Variants in NSRP1 observed in about 807,000 individuals in gnomAD.
NSRP1 encodes nuclear speckle splicing regulatory protein 1, also known as coiled-coil domain containing 55.
A neutral mutation model predicts 54.7 loss-of-function variants in NSRP1; 24 were observed. The ratio of observed to expected loss-of-function variants is 0.44; its 90% confidence interval spans 0.32 to 0.62. The LOEUF is 0.62. Ranked by LOEUF, NSRP1 falls within the 20% of genes least tolerant of loss-of-function variation. The pLI is 0.06. For missense variants in NSRP1, 596 were observed against 651.2 expected (o/e 0.92, Z 0.92); for synonymous variants, 210 against 213.8 (o/e 0.98, Z 0.15).
In NSRP1 at chr17:30,184,835, T is replaced by G. The variant is rs367942780; in HGVS notation, c.838T>G (p.Phe280Val). 1 of 1,614,024 alleles carries G rather than the reference T, an allele frequency of 6.2e-7. No individual in the cohort carries two copies. Among genetic ancestry groups the G allele is most frequent in the Non-Finnish European group, 8.5e-7 (1 of 1,180,002 alleles). Residue 280 changes from phenylalanine to valine, a missense_variant, in exon 7 of 7, where the codon TTC (phenylalanine) becomes GTC (valine). By Grantham distance (50) the Phe-to-Val change is conservative. Transcript: ENST00000247026. ...EKVIETPENDFKHHRSQNHSR... is the reference protein window; with the variant it reads ...EKVIETPENDVKHHRSQNHSR... ...GGTCATAGAGACCCCTGAGAATGAC[T>G]TCAAGCACCACAGGAGTCAAAACCA...
At chr17:30,117,208 G>A (rs193157420) in intron 1 of NSRP1, 5 of 645,086 alleles carry the variant, frequency 7.8e-6, no homozygotes, top group African/African-American at 5.5e-5. Context: ...CTCAGGGGCA[G>A]TGTGAAGAGA....
rs998895672 is a variant in NSRP1 at position 30,145,308 on chromosome 17, C to T, written c.114+27135C>T. ...TATAAATTATTGCACTAAGGCCGGGCGCAGTGGCTCACACCTCTCTAATCC... is the reference window on the plus strand; with the variant it reads ...TATAAATTATTGCACTAAGGCCGGGTGCAGTGGCTCACACCTCTCTAATCC... On this transcript the variant is annotated intron_variant, in intron 2 of 6. Transcript: ENST00000247026. Among the ~76,000 whole-genome samples, 9 of 116,898 alleles carry T rather than the reference C, an allele frequency of 7.7e-5. No individual in the cohort carries two copies. In the South Asian group the frequency reaches 1.1e-3, roughly 15 times the overall value. 76.7% of individuals were successfully genotyped at this position (116,898 alleles called of 152,430 possible).
chr17:30,177,799 G>A, intron 3 of NSRP1: 2 of 444,102 alleles, frequency 4.5e-6, no homozygotes, highest in East Asian at 4.9e-5. Context: ...AGCTTAGAAT[G>A]TAAATATAGT....
At chr17:30,117,612 T>TG (rs986485056) in intron 1 of NSRP1, 34 of 353,626 alleles carry the variant, frequency 9.6e-5, no homozygotes, top group African/African-American at 7.1e-4. Flanking sequence ...TTTTCGTGAG[T>TG]TACACTATCC....
At chr17:30,160,792 A>G (rs1904485886) in intron 2 of NSRP1, among the ~76,000 whole-genome samples, 1 of 152,206 alleles carries the variant, frequency 6.6e-6, no homozygotes, top group South Asian at 2.1e-4. Flanking sequence ...TAGTAAGTAG[A>G]AGGCTGCATA....
chr17:30,171,091 C>A (rs1296995554), intron 2 of NSRP1, among the ~76,000 whole-genome samples: 1 of 151,800 alleles, frequency 6.6e-6, no homozygotes, highest in African/African-American at 2.4e-5. Flanking sequence ...TGTATGTAAT[C>A]TTTAGTTTTG....
In NSRP1 at chr17:30,185,634, G is replaced by A. The variant is rs559964855; in HGVS notation, c.1637G>A (p.Arg546Gln). ...AGGTACTTGGCCAGGCAGATGGCGC[G>A]GGTTAATGCAAAGACCTATATTGAG... ...RDRYLARQMA[R>Q]VNAKTYIEKE... The change falls in exon 7 of 7, where the codon CGG becomes CAG. Residue 546 changes from arginine (R) to glutamine (Q), a missense_variant. Coordinates refer to ENST00000247026, the MANE Select transcript of NSRP1 (RefSeq NM_032141.4). The A allele has an allele frequency of 7.5e-6, 12 of 1,609,646 alleles. No individual in the cohort carries two copies. Among genetic ancestry groups the A allele is most frequent in the Non-Finnish European group, 9.3e-6 (11 of 1,178,812 alleles).
rs2071560505 is a variant in NSRP1, at chr17:30,118,184, CTA to C, written c.114+13_114+14del. 1 of 1,597,692 alleles carries C rather than the reference CTA, an allele frequency of 6.3e-7. No homozygotes were observed. The highest frequency in any genetic ancestry group is 8.6e-7 in the Non-Finnish European group (1 of 1,166,512). On this transcript the variant is annotated intron_variant, in intron 2 of 6. Transcript: ENST00000247026. ...GATGATGATGATGAGGTAAGGAAAC[CTA>C]TGTTTTACTCGTGCATGGTTGGAAA...
rs746189146 is a variant in NSRP1, at chr17:30,185,192, A to G, written c.1195A>G (p.Asn399Asp). The stretch of plus-strand genomic sequence containing the variant: ...AGAACAAGAAAGAGATAGACAACAA[A>G]ATGATCAGAACCGACCCAGTGAGAA... Reference protein sequence around the residue: ...QREQERDRQQNDQNRPSEKGE... With the variant: ...QREQERDRQQDDQNRPSEKGE... Residue 399 changes from asparagine to aspartate, a missense_variant, in exon 7 of 7, where the codon AAT (asparagine) becomes GAT (aspartate). By Grantham distance (23) the Asn-to-Asp change is conservative (BLOSUM62 1). Transcript: ENST00000247026. 66 of 1,572,562 alleles carry G rather than the reference A, an allele frequency of 4.2e-5. No homozygotes were observed. The highest frequency in any genetic ancestry group is 5.5e-5 in the Non-Finnish European group (64 of 1,158,620).
At chr17:30,174,838 A>T (rs1193937128) in intron 3 of NSRP1, among the ~76,000 whole-genome samples, 1 of 152,250 alleles carries the variant, frequency 6.6e-6, no homozygotes, top group Non-Finnish European at 1.5e-5. Flanking sequence ...ATAAAATGTT[A>T]TCATTTTCAT....
chr17:30,184,674 G>GA lies in NSRP1; in HGVS notation c.679dup (p.Ile227AsnfsTer11). 1 of 1,606,798 alleles carries GA rather than the reference G, an allele frequency of 6.2e-7. No individual in the cohort carries two copies. ...TCCAATGAAGTAAGTTCAAAAAACAGAATACCACAAGAGAAATGCATTCTT... is the reference window on the plus strand; with the variant it reads ...TCCAATGAAGTAAGTTCAAAAAACAGAAATACCACAAGAGAAATGCATTCTT... On this transcript the variant is annotated frameshift_variant, in exon 7 of 7. Transcript: ENST00000247026. LOFTEE classifies it high-confidence loss of function.
At chr17:30,129,954 A>G (rs567691499) in intron 2 of NSRP1, among the ~76,000 whole-genome samples, 1 of 152,356 alleles carries the variant, frequency 6.6e-6, no homozygotes, top group South Asian at 2.1e-4. Context: ...TAATTTTGCA[A>G]TTTGCTAAAA....
In NSRP1 at chr17:30,179,240, A is replaced by C. The variant is rs1357870337; in HGVS notation, c.451A>C (p.Lys151Gln). The change falls in exon 5 of 7, where the codon AAA becomes CAA. Residue 151 changes from lysine (K) to glutamine (Q), a missense_variant. Physicochemically the swap from Lys to Gln is moderately conservative, Grantham distance 53. Coordinates refer to ENST00000247026, the MANE Select transcript of NSRP1 (RefSeq NM_032141.4). The stretch of plus-strand genomic sequence containing the variant: ...ATTTGTGACATCTGCATATAAGAAA[A>C]AACTGCAAGAGAGAGCTGAAGAAGA... ...EAFVTSAYKK[K>Q]LQERAEEEER... The C allele has an allele frequency of 1.2e-6, 2 of 1,607,912 alleles. No homozygotes were observed. Among genetic ancestry groups the C allele is most frequent in the Non-Finnish European group, 8.5e-7 (1 of 1,176,650 alleles).
chr17:30,121,156 A>G lies in NSRP1; in HGVS notation c.114+2983A>G, dbSNP rs960650282. ...TTGGGCCAGATTGTGGAGTACCTTA[A>G]ATTTTTCGTATAAAATTTCAACTTT... On this transcript the variant is annotated intron_variant, in intron 2 of 6. Transcript: ENST00000247026. Among the ~76,000 whole-genome samples, 3 of 152,274 alleles carry G rather than the reference A, an allele frequency of 2.0e-5. No individual in the cohort carries two copies. In the East Asian group the frequency reaches 5.8e-4, roughly 29 times the overall value.
intron 2 of NSRP1, among the ~76,000 whole-genome samples, chr17:30,130,954 C>A (rs185957444): frequency 6.6e-6 from 1 of 152,286 alleles, no homozygotes; most frequent in East Asian, 1.9e-4. Flanking sequence ...TGAAACATAA[C>A]AAAAGCCACT....
At chr17:30,152,794 G>GT (rs1225453705) in intron 2 of NSRP1, among the ~76,000 whole-genome samples, 1 of 144,816 alleles carries the variant, frequency 6.9e-6, no homozygotes, top group African/African-American at 2.6e-5. Flanking sequence ...AACCTACTTT[G>GT]TTCTTCACAT....
intron 2 of NSRP1, among the ~76,000 whole-genome samples, chr17:30,166,224 G>A (rs545199640): frequency 1.3e-5 from 2 of 152,026 alleles, no homozygotes; most frequent in South Asian, 4.1e-4. Context: ...CTGTTTCTGA[G>A]TCTACACTTG....
In NSRP1 at chr17:30,171,717, T is replaced by G. The variant is rs550349936; in HGVS notation, c.115-825T>G. On this transcript the variant is annotated intron_variant, in intron 2 of 6. Transcript: ENST00000247026. ...ACTGAGACTGTTCTTGCTTTTTCAC[T>G]ATCCTCAGGACCTAAACATGCTTTT... Among the ~76,000 whole-genome samples, 21 of 152,318 alleles carry G rather than the reference T, an allele frequency of 1.4e-4. No homozygotes were observed. The East Asian group carries it at 2.7e-3, about 20-fold the overall frequency.
At chr17:30,137,310 C>CTCT (rs1401393942) in intron 2 of NSRP1, among the ~76,000 whole-genome samples, 1 of 152,164 alleles carries the variant, frequency 6.6e-6, no homozygotes, top group Non-Finnish European at 1.5e-5. Context: ...GTCCTTCTAC[C>CTCT]AGGTGCACCT....
Sources: gnomAD v4.1 joint callset for allele counts (sites outside exome capture counted in the v4.1 genomes callset) on GRCh38, gnomAD v4.1.1 for gene constraint, MANE v1.5 for transcripts, NCBI Gene and HGNC (gene_info 2026-07-23, HGNC 2026-07-21) for gene names.